The following LRRTM3 variants were observed in gnomAD, a reference collection of about 807,000 sequenced individuals.
LRRTM3 encodes the protein leucine-rich repeat transmembrane neuronal protein 3.
Under a neutral mutation model 44.7 loss-of-function variants are expected in LRRTM3, and 24 were observed. The ratio of observed to expected loss-of-function variants is 0.54; its 90% CI spans 0.39 to 0.76. The LOEUF (loss-of-function observed/expected upper bound fraction) is 0.76, where lower values mean the gene tolerates loss of function less well. Among genes scored for constraint, LRRTM3 ranks in the 30% least tolerant of loss-of-function variants. The pLI, the probability that LRRTM3 is intolerant of heterozygous loss-of-function variation, is 0.00. For synonymous variants in LRRTM3, 277 were observed against 278.7 expected (o/e 0.99, Z 0.06); for missense variants, 587 against 702.2 (o/e 0.84, Z 1.85).
intron 2 of LRRTM3, among the ~76,000 whole-genome samples, chr10:66,971,509 T>C (rs1266430198): frequency 6.6e-6 from 1 of 152,212 alleles, no homozygotes. Flanking sequence ...GTACTCTTTA[T>C]AATTTGTATG....
chr10:67,090,833 C>T (rs1021268729), intron 2 of LRRTM3, among the ~76,000 whole-genome samples: 52 of 152,112 alleles, frequency 3.4e-4, no homozygotes, highest in African/African-American at 1.2e-3. Flanking sequence ...TAAGGTAGAA[C>T]CTGCGGTAAC....
At chr10:67,015,529 A>C (rs1852601008) in intron 2 of LRRTM3, 2 of 152,184 alleles carry the variant, frequency 1.3e-5, no homozygotes, top group African/African-American at 2.4e-5. Flanking sequence ...TTGAAAGCCA[A>C]CCTTTATTCT....
intron 2 of LRRTM3, among the ~76,000 whole-genome samples, chr10:67,044,212 C>CAACATATTTTT (rs1756392131): frequency 6.6e-6 from 1 of 152,070 alleles, no homozygotes; most frequent in African/African-American, 2.4e-5. Context: ...AAAAATATGG[C>CAACATATTTTT]TGCAACATAG....
At chr10:66,934,480 G>C (rs1042214300) in intron 2 of LRRTM3, among the ~76,000 whole-genome samples, 10 of 152,026 alleles carry the variant, frequency 6.6e-5, no homozygotes, top group African/African-American at 2.4e-4. Flanking sequence ...TTAAATATTA[G>C]GACATAAAAC....
In LRRTM3 at chr10:66,926,245, G is replaced by A; in HGVS notation, c.-339G>A. 2.1e-6 allele frequency: 1 copy of A among 477,450 alleles called. No homozygotes were observed. The highest frequency in any genetic ancestry group is 3.9e-6 in the Non-Finnish European group (1 of 258,184). 29.6% of individuals were successfully genotyped at this position (477,450 alleles called of 1,614,324 possible). The stretch of plus-strand genomic sequence containing the variant: ...AATACATCATGTTTTTCGATAAGAA[G>A]AAATTGTAGGATCCAGTTTTTTTTT... On this transcript the variant is annotated 5_prime_UTR_variant, in exon 1 of 3. Coordinates refer to ENST00000361320, the MANE Select transcript of LRRTM3 (RefSeq NM_178011.5).
At chr10:67,014,776 A>C (rs1034821346) in intron 2 of LRRTM3, among the ~76,000 whole-genome samples, 3 of 152,094 alleles carry the variant, frequency 2.0e-5, no homozygotes, top group Non-Finnish European at 4.4e-5. Context: ...TTATCAGAAA[A>C]AAAACAGCCA....
chr10:67,038,885 T>C (rs1187737160), intron 2 of LRRTM3, among the ~76,000 whole-genome samples: 1 of 152,080 alleles, frequency 6.6e-6, no homozygotes, highest in Non-Finnish European at 1.5e-5. Context: ...CATACAAATT[T>C]AGTAGAAAGG....
chr10:66,989,427 A>G (rs1850919868), intron 2 of LRRTM3, among the ~76,000 whole-genome samples: 1 of 152,222 alleles, frequency 6.6e-6, no homozygotes, highest in African/African-American at 2.4e-5. Context: ...TAACAGAATT[A>G]GACTACTTTA....
chr10:67,017,124 T>C (rs1852707919), intron 2 of LRRTM3, among the ~76,000 whole-genome samples: 1 of 152,198 alleles, frequency 6.6e-6, no homozygotes, highest in Non-Finnish European at 1.5e-5. Context: ...GATGTAACAA[T>C]AACTGAGCAA....
At chr10:66,941,045 C>T (rs1478419864) in intron 2 of LRRTM3, among the ~76,000 whole-genome samples, 2 of 152,190 alleles carry the variant, frequency 1.3e-5, no homozygotes, top group Admixed American at 6.5e-5. Flanking sequence ...CCAACATACT[C>T]TTAAAGACGA....
rs758644488 is a variant in LRRTM3, at chr10:66,927,469, C to T, written c.553C>T (p.Leu185Phe). 3.1e-6 allele frequency: 5 copies of T among 1,614,102 alleles called. No homozygotes were observed. Among genetic ancestry groups the T allele is most frequent in the Non-Finnish European group, 4.2e-6 (5 of 1,180,032 alleles). Residue 185 changes from leucine to phenylalanine, a missense_variant, in exon 2 of 3, where the codon CTT becomes TTT. Transcript: ENST00000361320. The surrounding 1 kb of genome is among the most constrained non-coding windows in gnomAD (Gnocchi z 4.7). ...RIFQDCRNLELLDLGYNRIRS... is the reference protein window; with the variant it reads ...RIFQDCRNLEFLDLGYNRIRS... ...ATTCCAAGACTGCCGCAACCTGGAA[C>T]TTTTGGACCTGGGATATAACCGGAT...
At chr10:66,962,974 G>T (rs189423755) in intron 2 of LRRTM3, among the ~76,000 whole-genome samples, 3 of 144,766 alleles carry the variant, frequency 2.1e-5, no homozygotes, top group Non-Finnish European at 4.5e-5. Context: ...AGTAGTTGTT[G>T]ACTGAATGAA....
intron 2 of LRRTM3, among the ~76,000 whole-genome samples, chr10:67,094,304 T>C (rs1857836366): frequency 6.6e-6 from 1 of 151,872 alleles, no homozygotes; most frequent in South Asian, 2.1e-4. Context: ...TCTAACGAAA[T>C]AAGTATTTCC....
At chr10:66,977,839 T>C (rs567626084) in intron 2 of LRRTM3, among the ~76,000 whole-genome samples, 26 of 152,296 alleles carry the variant, frequency 1.7e-4, no homozygotes, top group Non-Finnish European at 3.2e-4. Flanking sequence ...CTTTATAGCC[T>C]CCTATATGTC....
rs1386489201 is a variant in LRRTM3 at position 66,928,266 on chromosome 10, G to A, written c.1350G>A (p.Lys450=). 6.2e-7 allele frequency: 1 copy of A among 1,614,162 alleles called. No homozygotes were observed. Among genetic ancestry groups the A allele is most frequent in the East Asian group, 2.2e-5 (1 of 44,866 alleles). ...GGAAGCGGTACCCTGCGAGCATGAA[G>A]CAGCTGCAGCAGCGCTCCCTCATGC... ...VSWKRYPASM[K]QLQQRSLMRR... The change falls in exon 2 of 3, where the codon AAG becomes AAA. Residue 450 remains lysine (K), a synonymous_variant. Transcript: ENST00000361320.
intron 2 of LRRTM3, among the ~76,000 whole-genome samples, chr10:66,970,302 AT>A (rs1392675481): frequency 6.6e-6 from 1 of 152,074 alleles, no homozygotes; most frequent in Non-Finnish European, 1.5e-5. Flanking sequence ...ACTCTGTTGT[AT>A]TTTCACTTTG....
At chr10:67,017,315 G>C (rs191832648) in intron 2 of LRRTM3, among the ~76,000 whole-genome samples, 19 of 152,236 alleles carry the variant, frequency 1.2e-4, no homozygotes, top group Non-Finnish European at 8.8e-5. Flanking sequence ...AGTGAGGTTA[G>C]GTTAGTTACC....
intron 2 of LRRTM3, among the ~76,000 whole-genome samples, chr10:67,016,171 T>C (rs1023007708): frequency 5.3e-5 from 8 of 152,180 alleles, no homozygotes; most frequent in African/African-American, 1.9e-4. Flanking sequence ...CATGAGTTTA[T>C]CCACTGTTCC....
intron 2 of LRRTM3, among the ~76,000 whole-genome samples, chr10:67,084,064 C>T (rs1378712048): frequency 1.3e-5 from 2 of 152,046 alleles, no homozygotes; most frequent in Non-Finnish European, 2.9e-5. Flanking sequence ...GGATCAGGAG[C>T]TCCAGTGTTT....
Sources: allele counts gnomAD v4.1 joint callset (sites outside exome capture counted in the v4.1 genomes callset), GRCh38; gene constraint gnomAD v4.1.1; non-coding constraint Gnocchi (gnomAD v3.1); transcripts MANE v1.5; gene names NCBI Gene and HGNC (gene_info 2026-07-23, HGNC 2026-07-21).